CHODL: variants seen among roughly 807,000 people sequenced by gnomAD.
The protein encoded by CHODL is chondrolectin, also known as transmembrane protein MT75.
A neutral mutation model predicts 34.5 loss-of-function variants in CHODL; 29 were observed. The observed-to-expected ratio is 0.84, with a 90% CI of 0.63 to 1.15. CHODL has a LOEUF of 1.15. Among genes scored for constraint, CHODL ranks in the 50% most tolerant of loss-of-function variants. The probability of loss-of-function intolerance (pLI) is 0.00; values close to 1 mark genes in which losing one functional copy is unlikely to be tolerated. For synonymous variants in CHODL, 125 were observed against 116.1 expected (o/e 1.08, Z -0.49); for missense variants, 332 against 332.5 (o/e 1.00, Z 0.01).
intron 2 of CHODL, among the ~76,000 whole-genome samples, chr21:18,185,980 T>C (rs1409886147): frequency 6.6e-6 from 1 of 152,140 alleles, no homozygotes; most frequent in Non-Finnish European, 1.5e-5. Context: ...GGTTTTAACA[T>C]ATGAATTTTG....
chr21:17,976,025 G>C (rs1422867678), intron 1 of CHODL, among the ~76,000 whole-genome samples: 1 of 152,056 alleles, frequency 6.6e-6, no homozygotes, highest in South Asian at 2.1e-4. Flanking sequence ...TTAAGTTTCT[G>C]TGAGAAATAG....
chr21:17,975,604 CTT>C (rs1323367416), intron 1 of CHODL, among the ~76,000 whole-genome samples: 1 of 152,134 alleles, frequency 6.6e-6, no homozygotes, highest in Non-Finnish European at 1.5e-5. Context: ...CAAACCCACT[CTT>C]TTTCTTGACC....
chr21:18,140,111 G>T (rs1348967923), intron 2 of CHODL, among the ~76,000 whole-genome samples: 4 of 152,040 alleles, frequency 2.6e-5, no homozygotes. Context: ...AATAAAAATG[G>T]CTAGATTTCT....
At chr21:17,958,805 A>G (rs2063511352) in intron 1 of CHODL, among the ~76,000 whole-genome samples, 1 of 152,142 alleles carries the variant, frequency 6.6e-6, no homozygotes, top group Non-Finnish European at 1.5e-5. Context: ...CATTCTCTGT[A>G]TGGAGGGGAA....
chr21:18,010,154 C>T (rs1350579006), intron 1 of CHODL, among the ~76,000 whole-genome samples: 2 of 131,870 alleles, frequency 1.5e-5, no homozygotes, highest in Admixed American at 7.9e-5. Context: ...AAAAATTAGC[C>T]GGGCGTGGTG....
At chr21:17,957,931 T>C (rs777213629) in intron 1 of CHODL, among the ~76,000 whole-genome samples, 7 of 151,710 alleles carry the variant, frequency 4.6e-5, no homozygotes, top group East Asian at 1.9e-4. Flanking sequence ...CTTCAAAAAA[T>C]ATTGATTTAA....
At chr21:18,109,026 TAA>T (rs914173131) in intron 2 of CHODL, among the ~76,000 whole-genome samples, 1 of 134,464 alleles carries the variant, frequency 7.4e-6, no homozygotes, top group African/African-American at 2.7e-5. Flanking sequence ...GAATGTTGAC[TAA>T]AATTTGGGTC....
chr21:18,181,677 A>C (rs1473423940), intron 2 of CHODL, among the ~76,000 whole-genome samples: 3 of 152,222 alleles, frequency 2.0e-5, no homozygotes, highest in Non-Finnish European at 4.4e-5. Flanking sequence ...GGCGTGAGCC[A>C]CCGCGCCCAG....
intron 1 of CHODL, among the ~76,000 whole-genome samples, chr21:17,937,246 G>T (rs1162324863): frequency 6.6e-6 from 1 of 152,132 alleles, no homozygotes; most frequent in Non-Finnish European, 1.5e-5. Flanking sequence ...GAAGGAGAGG[G>T]GCAGGTGAGA....
At chr21:18,239,450 G>A (rs528200276) in intron 2 of CHODL, among the ~76,000 whole-genome samples, 188 of 151,888 alleles carry the variant, frequency 1.2e-3, no homozygotes, top group Non-Finnish European at 1.8e-3. Context: ...GTTTTTTTCC[G>A]TTAAATTCCC....
chr21:18,005,400 A>G (rs543592924), intron 1 of CHODL, among the ~76,000 whole-genome samples: 1 of 152,250 alleles, frequency 6.6e-6, no homozygotes, highest in African/African-American at 2.4e-5. Flanking sequence ...ACTTTAAATT[A>G]CATTTGACTG....
At position 17,957,082 on chromosome 21, in the gene CHODL, T is replaced by C. The variant is rs530544182; in HGVS notation, c.-145+39682T>C. Among the ~76,000 whole-genome samples, 5 of 152,294 alleles carry C rather than the reference T, an allele frequency of 3.3e-5. No individual in the cohort carries two copies. In the South Asian group the frequency reaches 1.0e-3, roughly 32 times the overall value. ...AATATATCACATTGGGGATTAGGTT[T>C]CAACATATGAATTAAATCAGATAGT... On this transcript the variant is annotated intron_variant, in intron 1 of 6. Coordinates refer to the CHODL transcript ENST00000400127.
intron 2 of CHODL, among the ~76,000 whole-genome samples, chr21:18,128,803 A>G (rs1272380580): frequency 6.6e-6 from 1 of 152,186 alleles, no homozygotes; most frequent in African/African-American, 2.4e-5. Flanking sequence ...ACTTACATGC[A>G]TATATTACAT....
intron 2 of CHODL, among the ~76,000 whole-genome samples, chr21:18,125,217 A>G (rs2146583710): frequency 6.6e-6 from 1 of 152,352 alleles, no homozygotes; most frequent in East Asian, 1.9e-4. Flanking sequence ...TACTGAAATA[A>G]TGTAACTTAA....
intron 2 of CHODL, among the ~76,000 whole-genome samples, chr21:18,054,577 G>A (rs888454463): frequency 6.6e-6 from 1 of 151,950 alleles, no homozygotes; most frequent in Non-Finnish European, 1.5e-5. Context: ...GAAGTAGAGA[G>A]TAGAATGGTA....
intron 1 of CHODL, among the ~76,000 whole-genome samples, chr21:17,938,554 C>T (rs2063337444): frequency 7.1e-6 from 1 of 141,728 alleles, no homozygotes; most frequent in African/African-American, 2.7e-5. Flanking sequence ...TCTCGGCTCA[C>T]TGCAAGCTCC....
At chr21:17,964,021 C>T (rs778804224) in intron 1 of CHODL, among the ~76,000 whole-genome samples, 5 of 152,104 alleles carry the variant, frequency 3.3e-5, no homozygotes, top group Non-Finnish European at 5.9e-5. Flanking sequence ...ATTCAGAGTA[C>T]ATAATCATAC....
At chr21:18,078,554 A>G (rs1419367394) in intron 2 of CHODL, among the ~76,000 whole-genome samples, 1 of 152,190 alleles carries the variant, frequency 6.6e-6, no homozygotes, top group Non-Finnish European at 1.5e-5. Flanking sequence ...TTGCAGATAC[A>G]TCGACTTTTG....
chr21:18,010,740 A>C (rs2064011466), intron 1 of CHODL, among the ~76,000 whole-genome samples: 1 of 152,248 alleles, frequency 6.6e-6, no homozygotes, highest in African/African-American at 2.4e-5. Flanking sequence ...ACTTAAAAAC[A>C]AACTTGAGTT....
Sources: allele counts gnomAD v4.1 joint callset (sites outside exome capture counted in the v4.1 genomes callset), GRCh38; gene constraint gnomAD v4.1.1; transcripts MANE v1.5; gene names NCBI Gene and HGNC (gene_info 2026-07-23, HGNC 2026-07-21).